The following ZC3H12B variants were observed in gnomAD, a reference collection of about 807,000 sequenced individuals.
The protein encoded by ZC3H12B is zinc finger CCCH-type containing 12B.
A neutral mutation model predicts 43.9 loss-of-function variants in ZC3H12B; 7 were observed. The observed-to-expected ratio is 0.16, with a 90% confidence interval of 0.09 to 0.30. The LOEUF (loss-of-function observed/expected upper bound fraction) is 0.30. ZC3H12B is among the 10% of genes least tolerant of loss of function. The probability of loss-of-function intolerance (pLI) is 1.00; values close to 1 mark genes in which losing one functional copy is unlikely to be tolerated. For missense variants in ZC3H12B, 475 were observed against 670.2 expected (o/e 0.71, Z 3.22); for synonymous variants, 222 against 241.7 (o/e 0.92, Z 0.76).
chrX:65,466,274 C>T (rs766932884), intron 3 of ZC3H12B, among the ~76,000 whole-genome samples: 4 of 110,564 alleles, frequency 3.6e-5, no homozygotes, highest in Non-Finnish European at 7.6e-5. Flanking sequence ...CTACATCTTG[C>T]TTATTTAACT....
At chrX:65,424,202 T>C (rs992349057) in intron 3 of ZC3H12B, among the ~76,000 whole-genome samples, 2 of 112,322 alleles carry the variant, frequency 1.8e-5, no homozygotes, top group Non-Finnish European at 3.8e-5. Context: ...TTGATTTGCA[T>C]TTCTCTAATG....
chrX:65,073,132 G>T, the ZC3H12B span, among the ~76,000 whole-genome samples: 1 of 112,527 alleles, frequency 8.9e-6, no homozygotes, highest in Non-Finnish European at 1.9e-5. Flanking sequence ...ATGGTTGGGG[G>T]ATGGGAGGAA....
intron 2 of ZC3H12B, among the ~76,000 whole-genome samples, chrX:65,377,158 T>C: frequency 1.9e-5 from 2 of 107,923 alleles, no homozygotes; most frequent in East Asian, 5.9e-4. Flanking sequence ...ATAGAACTAA[T>C]CAAGCAGAAG....
chrX:65,043,843 A>G, the ZC3H12B span, among the ~76,000 whole-genome samples: 2 of 112,311 alleles, frequency 1.8e-5, no homozygotes, highest in African/African-American at 6.5e-5. Context: ...TGCTACACTT[A>G]AAGAAGCAAT....
the ZC3H12B span, among the ~76,000 whole-genome samples, chrX:65,209,596 C>T: frequency 6.6e-3 from 704 of 107,123 alleles, 3 homozygotes; most frequent in Non-Finnish European, 9.5e-3. Context: ...GCTTTACTTC[C>T]AACTATGTGG....
intron 2 of ZC3H12B, among the ~76,000 whole-genome samples, chrX:65,387,630 G>T (rs777229812): frequency 1.8e-5 from 2 of 111,761 alleles, no homozygotes; most frequent in Non-Finnish European, 3.8e-5. Flanking sequence ...GGAGCATTTA[G>T]TCCATTTACA....
At chrX:65,365,648 A>G (rs1401039641), upstream of ZC3H12B, among the ~76,000 whole-genome samples, 1 of 111,327 alleles carries the variant, frequency 9.0e-6, no homozygotes, top group Non-Finnish European at 1.9e-5. Context: ...TCTTATTAAT[A>G]TAAGAAGACA....
chrX:65,070,551 A>T, the ZC3H12B span, among the ~76,000 whole-genome samples: 1 of 110,087 alleles, frequency 9.1e-6, no homozygotes, highest in Non-Finnish European at 1.9e-5. Context: ...GATCTTTTTA[A>T]CTTTTTGATG....
intron 1 of ZC3H12B, among the ~76,000 whole-genome samples, chrX:65,493,637 C>T (rs1021669018): frequency 9.0e-6 from 1 of 111,316 alleles, no homozygotes; most frequent in African/African-American, 3.3e-5. Flanking sequence ...CCAGAGAAAA[C>T]AATTGCAGAG....
At chrX:65,199,149 G>A in the ZC3H12B span, among the ~76,000 whole-genome samples, 1 of 107,840 alleles carries the variant, frequency 9.3e-6, no homozygotes, top group African/African-American at 3.4e-5. Flanking sequence ...AGATCTCGTA[G>A]GCATACTTAA....
chrX:65,286,601 A>G, the ZC3H12B span, among the ~76,000 whole-genome samples: 1 of 111,185 alleles, frequency 9.0e-6, no homozygotes, highest in Non-Finnish European at 1.9e-5. Flanking sequence ...ATGTGTGTGT[A>G]TATACACACA....
the ZC3H12B span, among the ~76,000 whole-genome samples, chrX:65,242,501 GA>G: frequency 8.9e-6 from 1 of 112,047 alleles, no homozygotes; most frequent in Non-Finnish European, 1.9e-5. Flanking sequence ...CATAAAAATG[GA>G]AATATTCTGT....
At chrX:65,386,373 G>T (rs1248040273) in intron 2 of ZC3H12B, among the ~76,000 whole-genome samples, 1 of 111,463 alleles carries the variant, frequency 9.0e-6, no homozygotes, top group Admixed American at 9.6e-5. Flanking sequence ...GTTTAGTCTT[G>T]GCAGGGTGTA....
At chrX:65,339,976 A>C in the ZC3H12B span, among the ~76,000 whole-genome samples, 1 of 111,361 alleles carries the variant, frequency 9.0e-6, no homozygotes. Flanking sequence ...GTGGGAGTGC[A>C]CTTCACCCCC....
the ZC3H12B span, among the ~76,000 whole-genome samples, chrX:65,155,267 T>C: frequency 9.0e-6 from 1 of 110,868 alleles, no homozygotes; most frequent in African/African-American, 3.3e-5. Flanking sequence ...CTGCTACTTT[T>C]TTTTTTTAGT....
At chrX:65,130,371 AC>A in the ZC3H12B span, among the ~76,000 whole-genome samples, 3 of 110,982 alleles carry the variant, frequency 2.7e-5, no homozygotes, top group East Asian at 8.6e-4. Flanking sequence ...GACTGTGGTG[AC>A]CTTTTTAGAC....
At chrX:65,159,404 G>A in the ZC3H12B span, among the ~76,000 whole-genome samples, 6 of 111,799 alleles carry the variant, frequency 5.4e-5, no homozygotes, top group Admixed American at 4.8e-4. Context: ...CCATGAGCAT[G>A]GAATGTTCTT....
chrX:65,063,121 C>A, the ZC3H12B span, among the ~76,000 whole-genome samples: 1 of 111,859 alleles, frequency 8.9e-6, no homozygotes, highest in Non-Finnish European at 1.9e-5. Flanking sequence ...CACAATCTGA[C>A]TTTTTTTCTT....
chrX:65,215,088 GATGTACTCTCATCCAGGCTTCGTTTGTCC>G, the ZC3H12B span, among the ~76,000 whole-genome samples: 3 of 111,757 alleles, frequency 2.7e-5, no homozygotes, highest in Non-Finnish European at 5.6e-5. Context: ...GCTATAAACA[GATGTACTCTCATCCAGGCTTCGTTTGTCC>G]ATTTACAAAG....
Sources: allele counts gnomAD v4.1 joint callset (sites outside exome capture counted in the v4.1 genomes callset), GRCh38; gene constraint gnomAD v4.1.1; transcripts MANE v1.5; gene names NCBI Gene and HGNC (gene_info 2026-07-23, HGNC 2026-07-21).